The following PROM1 variants were observed in gnomAD, a reference collection of about 807,000 sequenced individuals.
PROM1 encodes the protein prominin-1.
In PROM1, 105 loss-of-function variants were observed where a neutral mutation model predicts 116.9. That is an observed-to-expected ratio of 0.90 (90% CI 0.77 to 1.06). PROM1 has a LOEUF of 1.06. Among genes scored for constraint, PROM1 ranks in the 50% least tolerant of loss-of-function variants. The pLI is 0.00. For synonymous variants in PROM1, 393 were observed against 387.0 expected, an observed-to-expected ratio of 1.02 and a Z score of -0.18; for missense variants, 1,122 against 1,045.2, an observed-to-expected ratio of 1.07 and a Z score of -1.01.
intron 5 of PROM1, among the ~76,000 whole-genome samples, chr4:16,026,971 A>T (rs1365825794): frequency 1.3e-5 from 2 of 152,180 alleles, no homozygotes; most frequent in Non-Finnish European, 2.9e-5. Context: ...TGAAAAGATC[A>T]GTTTAGATCT....
At chr4:15,984,563 G>T (rs7675791) in intron 22 of PROM1, among the ~76,000 whole-genome samples, 150,676 of 152,292 alleles carry the variant, frequency 0.99, 74,549 homozygotes, top group Middle Eastern at 1. Context: ...AGGAAGTGAG[G>T]GGCGGGTGAG....
At chr4:16,031,906 G>T (rs1732779170) in intron 5 of PROM1, among the ~76,000 whole-genome samples, 1 of 152,292 alleles carries the variant, frequency 6.6e-6, no homozygotes, top group African/African-American at 2.4e-5. Context: ...TGTCTGTTGT[G>T]AAGATTTTTT....
intron 2 of PROM1, among the ~76,000 whole-genome samples, chr4:16,061,658 T>C (rs895638539): frequency 6.6e-5 from 10 of 152,232 alleles, no homozygotes; most frequent in Non-Finnish European, 1.5e-4. Context: ...TGGGGTGAAT[T>C]AGTTTTCTGG....
chr4:16,073,106 T>C (rs1011550635), intron 2 of PROM1, among the ~76,000 whole-genome samples: 3 of 152,190 alleles, frequency 2.0e-5, no homozygotes, highest in Non-Finnish European at 2.9e-5. Context: ...ATTAAACTCT[T>C]TCTCCACTGC....
chr4:16,055,171 C>T (rs910401750), intron 2 of PROM1: 1 of 298,668 alleles, frequency 3.3e-6, no homozygotes, highest in Non-Finnish European at 6.8e-6. Flanking sequence ...ATCTAAGAAC[C>T]TAGCATTCTC....
chr4:15,987,093 C>A (rs986405450), intron 20 of PROM1, among the ~76,000 whole-genome samples: 2 of 152,220 alleles, frequency 1.3e-5, no homozygotes, highest in African/African-American at 4.8e-5. Flanking sequence ...TATACTTCCC[C>A]AGCCAGACGA....
At chr4:15,995,259 G>A (rs1424480561) in intron 15 of PROM1, among the ~76,000 whole-genome samples, 1 of 151,906 alleles carries the variant, frequency 6.6e-6, no homozygotes, top group East Asian at 1.9e-4. Flanking sequence ...CATGCTTGGA[G>A]GTTTGGAGGA....
At chr4:16,057,540 G>T (rs113359264) in intron 2 of PROM1, among the ~76,000 whole-genome samples, 3 of 152,224 alleles carry the variant, frequency 2.0e-5, no homozygotes, top group African/African-American at 7.2e-5. Flanking sequence ...TTCTCCACAG[G>T]CTTCTTCAAC....
At chr4:16,047,675 A>G in intron 2 of PROM1, among the ~76,000 whole-genome samples, 1 of 152,202 alleles carries the variant, frequency 6.6e-6, no homozygotes, top group East Asian at 1.9e-4. Context: ...GTCATCATCT[A>G]CTATAGCCTG....
intron 2 of PROM1, among the ~76,000 whole-genome samples, chr4:16,059,137 T>C (rs1739712993): frequency 1.3e-5 from 2 of 152,192 alleles, no homozygotes; most frequent in Admixed American, 6.5e-5. Context: ...CCTAAATGTA[T>C]TATGTAATAG....
chr4:16,061,840 G>A (rs890328956), intron 2 of PROM1, among the ~76,000 whole-genome samples: 2 of 151,246 alleles, frequency 1.3e-5, no homozygotes, highest in African/African-American at 4.9e-5. Context: ...TTGTAGCAGT[G>A]TGATCATCCC....
intron 5 of PROM1, among the ~76,000 whole-genome samples, chr4:16,031,487 G>A (rs902139225): frequency 1.3e-5 from 2 of 152,082 alleles, no homozygotes; most frequent in Non-Finnish European, 2.9e-5. Context: ...ATACAAAGCA[G>A]AGAGAGACAG....
At chr4:16,018,832 C>A (rs1345534612) in intron 8 of PROM1, among the ~76,000 whole-genome samples, 1 of 152,160 alleles carries the variant, frequency 6.6e-6, no homozygotes, top group Non-Finnish European at 1.5e-5. Context: ...AACTGGCCAG[C>A]AGTGGCCAGC....
At chr4:16,052,007 T>C (rs550492341) in intron 2 of PROM1, among the ~76,000 whole-genome samples, 1 of 152,164 alleles carries the variant, frequency 6.6e-6, no homozygotes. Context: ...AGGGAGGGAA[T>C]GAAATGCCCA....
At chr4:15,975,537 C>G (rs1715888990) in intron 26 of PROM1, among the ~76,000 whole-genome samples, 1 of 152,116 alleles carries the variant, frequency 6.6e-6, no homozygotes, top group South Asian at 2.1e-4. Flanking sequence ...CTTATTATTC[C>G]CTCCTTCTAC....
At chr4:16,062,464 TAAAG>T (rs987197978) in intron 2 of PROM1, among the ~76,000 whole-genome samples, 9 of 152,048 alleles carry the variant, frequency 5.9e-5, no homozygotes, top group Non-Finnish European at 1.3e-4. Context: ...CCCATGAACA[TAAAG>T]AGAAGGAGCA....
intron 2 of PROM1, among the ~76,000 whole-genome samples, chr4:16,043,367 G>A (rs538346170): frequency 6.6e-6 from 1 of 152,336 alleles, no homozygotes. Context: ...CACCCAGGCT[G>A]GAGTGCAGTG....
At chr4:15,993,371 G>A (rs1721531016) in intron 16 of PROM1, among the ~76,000 whole-genome samples, 1 of 152,184 alleles carries the variant, frequency 6.6e-6, no homozygotes, top group African/African-American at 2.4e-5. Flanking sequence ...GGCACCCTAG[G>A]CCTGGGCAGC....
At chr4:16,037,737 T>C (rs879563459) in intron 3 of PROM1, among the ~76,000 whole-genome samples, 2 of 152,172 alleles carry the variant, frequency 1.3e-5, no homozygotes, top group Non-Finnish European at 2.9e-5. Context: ...CTAATTTTTA[T>C]TACCTTACAT....
Sources: gnomAD v4.1 joint callset for allele counts (sites outside exome capture counted in the v4.1 genomes callset) on GRCh38, gnomAD v4.1.1 for gene constraint, MANE v1.5 for transcripts, NCBI Gene and HGNC (gene_info 2026-07-23, HGNC 2026-07-21) for gene names.